CNOT2: variants seen among roughly 807,000 people sequenced by gnomAD.
CNOT2 encodes the protein CC chemokine receptor 4-negative regulator of transcription 2.
In CNOT2, 7 loss-of-function variants were observed where a neutral mutation model predicts 72.1. The ratio of observed to expected loss-of-function variants is 0.10; its 90% CI spans 0.06 to 0.18. The LOEUF is 0.18. Ranked by LOEUF, CNOT2 falls within the 10% of genes least tolerant of loss-of-function variation. The probability of loss-of-function intolerance (pLI) is 1.00; values close to 1 mark genes in which losing one functional copy is unlikely to be tolerated. For missense variants in CNOT2, 345 were observed against 660.3 expected (o/e 0.52, Z 5.23); for synonymous variants, 196 against 225.6 (o/e 0.87, Z 1.17).
chr12:70,344,172 C>G lies in CNOT2; in HGVS notation c.1335C>G (p.Phe445Leu). 1 of 1,612,848 alleles carries G rather than the reference C, an allele frequency of 6.2e-7. No individual in the cohort carries two copies. Among genetic ancestry groups the G allele is most frequent in the Non-Finnish European group, 8.5e-7 (1 of 1,179,320 alleles). ...GCCGATATGGTGAAGACCTTCTCTT[C>G]TATCTCTATTACATGAATGGAGGAG... is the stretch of plus-strand genomic sequence containing the variant. ...KLGRYGEDLL[F>L]YLYYMNGGDV... The change falls in exon 14 of 16, where the codon TTC becomes TTG. Residue 445 changes from phenylalanine to leucine, a missense_variant. Phe to Leu is a conservative substitution (Grantham distance 22, BLOSUM62 0). This residue lies in a region of CNOT2 where 53 missense variants were observed against 153.4 expected (regional missense o/e 0.35). Coordinates refer to ENST00000229195, the MANE Select transcript of CNOT2 (RefSeq NM_014515.7).
chr12:70,337,887 CTTCT>C (rs1383735953), intron 9 of CNOT2: 2 of 376,132 alleles, frequency 5.3e-6, no homozygotes, highest in Non-Finnish European at 1.0e-5. Flanking sequence ...AACTCAGCTT[CTTCT>C]TTCTGACTTA....
At chr12:70,342,735 A>G (rs566556030) in intron 13 of CNOT2, among the ~76,000 whole-genome samples, 17 of 152,240 alleles carry the variant, frequency 1.1e-4, no homozygotes, top group African/African-American at 3.9e-4. Context: ...TTCTAATTCT[A>G]AAGTAGTTAT....
chr12:70,283,821 G>A (rs1008855931), intron 2 of CNOT2, among the ~76,000 whole-genome samples: 1 of 151,752 alleles, frequency 6.6e-6, no homozygotes, highest in Non-Finnish European at 1.5e-5. Flanking sequence ...CATTTATACA[G>A]CTGCTTAAGA....
At chr12:70,346,845 A>ATT (rs1177476033) in intron 15 of CNOT2, among the ~76,000 whole-genome samples, 1 of 152,082 alleles carries the variant, frequency 6.6e-6, no homozygotes, top group East Asian at 1.9e-4. Flanking sequence ...AGAAATGTTG[A>ATT]TTATTTTATT....
At chr12:70,291,478 T>C (rs968219551) in intron 2 of CNOT2, among the ~76,000 whole-genome samples, 2 of 152,194 alleles carry the variant, frequency 1.3e-5, no homozygotes, top group Non-Finnish European at 2.9e-5. Flanking sequence ...GAAGAGCCTT[T>C]AGTTTGAGCC....
intron 4 of CNOT2, among the ~76,000 whole-genome samples, chr12:70,328,600 T>G (rs1879443099): frequency 6.6e-6 from 1 of 151,806 alleles, no homozygotes; most frequent in African/African-American, 2.4e-5. Flanking sequence ...TATTAAAAAA[T>G]TTATAATTCC....
At chr12:70,328,394 T>C (rs533886169) in intron 4 of CNOT2, among the ~76,000 whole-genome samples, 1 of 151,966 alleles carries the variant, frequency 6.6e-6, no homozygotes, top group African/African-American at 2.4e-5. Context: ...TTATTTAATC[T>C]CCAGTTCAGA....
intron 8 of CNOT2, chr12:70,337,180 G>GCTGGT: frequency 2.5e-6 from 1 of 405,892 alleles, no homozygotes. Flanking sequence ...GATTTCCCTT[G>GCTGGT]TATTATTTTG....
chr12:70,322,140 G>A (rs1247194298), intron 4 of CNOT2: 1 of 151,832 alleles, frequency 6.6e-6, no homozygotes, highest in Non-Finnish European at 1.5e-5. Flanking sequence ...TTGAAACTGC[G>A]ACTTGAAGCA....
intron 1 of CNOT2, among the ~76,000 whole-genome samples, chr12:70,257,569 G>A (rs899300458): frequency 1.3e-5 from 2 of 150,934 alleles, no homozygotes; most frequent in African/African-American, 2.4e-5. Flanking sequence ...GGGTTTCACC[G>A]TGTTAGCCAG....
At chr12:70,311,060 CTG>C (rs770182270) in intron 3 of CNOT2, 43 bp downstream of exon 3, 1 of 1,477,968 alleles carries the variant, frequency 6.8e-7, no homozygotes, top group East Asian at 2.3e-5. Flanking sequence ...CAATGTAAGT[CTG>C]TGTCTGGGTT....
rs7972226 is a variant in CNOT2, at chr12:70,337,022, T to C, written c.776-367T>C. On this transcript the variant is annotated intron_variant, in intron 8 of 15. Transcript: ENST00000229195. ...ACTGACATATTCTTTTAAATTTTAT[T>C]TTGTTCATTTGTATTTGAGAGTTAA... 524 of 161,300 alleles carry C rather than the reference T, an allele frequency of 3.2e-3. 1 individual carries two copies. The highest frequency in any genetic ancestry group is 0.012 in the African/African-American group (503 of 41,670). The allele number at this position is 161,300 out of a possible 1,614,324, so 10.0% of individuals were successfully genotyped here.
intron 2 of CNOT2, among the ~76,000 whole-genome samples, chr12:70,307,525 A>G (rs1255407124): frequency 1.3e-5 from 2 of 152,042 alleles, no homozygotes; most frequent in African/African-American, 4.8e-5. Flanking sequence ...ATGGTCCATC[A>G]TTGACTGAAA....
At chr12:70,336,016 A>G (rs1880635775) in intron 8 of CNOT2, 1 of 155,578 alleles carries the variant, frequency 6.4e-6, no homozygotes, top group African/African-American at 2.4e-5. Flanking sequence ...GGGCCAGGTA[A>G]TTCTTTGTAG....
chr12:70,269,526 C>G (rs1959177803), intron 1 of CNOT2, among the ~76,000 whole-genome samples: 1 of 152,072 alleles, frequency 6.6e-6, no homozygotes, highest in South Asian at 2.1e-4. Context: ...ATTGACTAAA[C>G]AAACTCAGTA....
intron 2 of CNOT2, among the ~76,000 whole-genome samples, chr12:70,297,224 C>T (rs779590831): frequency 8.5e-5 from 13 of 152,202 alleles, no homozygotes; most frequent in Non-Finnish European, 1.5e-4. Flanking sequence ...AACTCAAATT[C>T]TAAATTACTC....
At chr12:70,290,125 T>G (rs1192063737) in intron 2 of CNOT2, among the ~76,000 whole-genome samples, 2 of 152,158 alleles carry the variant, frequency 1.3e-5, no homozygotes, top group African/African-American at 2.4e-5. Flanking sequence ...CTTTTCTGAA[T>G]TATGTAAATT....
intron 15 of CNOT2, among the ~76,000 whole-genome samples, chr12:70,353,227 T>A (rs1434272155): frequency 6.6e-6 from 1 of 151,716 alleles, no homozygotes; most frequent in Non-Finnish European, 1.5e-5. Flanking sequence ...CGTGCACCAC[T>A]ACGCCCAGCT....
rs146817663 is a variant in CNOT2 at position 70,256,939 on chromosome 12, A to G, written c.-96+13459A>G. On this transcript the variant is annotated intron_variant, in intron 1 of 15. Coordinates refer to ENST00000229195, the MANE Select transcript of CNOT2 (RefSeq NM_014515.7). The stretch of plus-strand genomic sequence containing the variant: ...GTATTGAAAAAACAAAACTGACACC[A>G]TAAGCATTTTCCAGTGTCATATATT... Among the ~76,000 whole-genome samples the G allele has an allele frequency of 3.2e-3, 481 of 152,310 alleles. 5 individuals are homozygous for G. Among genetic ancestry groups the G allele is most frequent in the African/African-American group, 0.011 (442 of 41,572 alleles).
Sources: gnomAD v4.1 joint callset for allele counts (sites outside exome capture counted in the v4.1 genomes callset) on GRCh38, gnomAD v4.1.1 for gene constraint, gnomAD v4.1.1 regional missense constraint, MANE v1.5 for transcripts, NCBI Gene and HGNC (gene_info 2026-07-23, HGNC 2026-07-21) for gene names.